Variants in MAG observed in about 807,000 individuals in gnomAD.
MAG encodes myelin-associated glycoprotein.
In MAG, 30 loss-of-function variants were observed where a neutral mutation model predicts 60.7. The ratio of observed to expected loss-of-function variants is 0.49; its 90% CI spans 0.37 to 0.67. The LOEUF (loss-of-function observed/expected upper bound fraction) is 0.67. Ranked by LOEUF, MAG falls within the 30% of genes least tolerant of loss-of-function variation. MAG has a pLI of 0.00. For synonymous variants in MAG, 384 were observed against 376.8 expected (o/e 1.02, Z -0.22); for missense variants, 795 against 851.7 (o/e 0.93, Z 0.83).
intron 7 of MAG, among the ~76,000 whole-genome samples, chr19:35,303,541 C>T (rs1460166035): frequency 6.6e-6 from 1 of 152,136 alleles, no homozygotes; most frequent in African/African-American, 2.4e-5. Flanking sequence ...TTCTTCCCTG[C>T]CCAAGGCTGA....
intron 5 of MAG, 85 bp from the exon 6 acceptor site, chr19:35,300,061 TG>T (rs1307041276): frequency 1.5e-6 from 2 of 1,345,318 alleles, no homozygotes; most frequent in African/African-American, 3.5e-5. Flanking sequence ...GGCCGGACAG[TG>T]TTGGGGGCGG....
rs561723665 is a variant in MAG at position 35,297,782 on chromosome 19, C to T, written c.416-1772C>T. 5.3e-4 allele frequency among the ~76,000 whole-genome samples: 77 copies of T among 144,794 alleles called. 1 individual carries two copies. Among genetic ancestry groups the T allele is most frequent in the South Asian group, 1.8e-3 (8 of 4,404 alleles). The allele number at this position is 144,794 out of a possible 152,430, so 95.0% of individuals were successfully genotyped here. On this transcript the variant is annotated intron_variant, in intron 4 of 10. Coordinates refer to ENST00000392213, the MANE Select transcript of MAG (RefSeq NM_002361.4). ...CCTATATACACTGTACACATACATG[C>T]GCCACCCCCACATCACAACACAAAC...
At position 35,309,875 on chromosome 19, in the gene MAG, C is replaced by T. The variant is rs777108840; in HGVS notation, c.1233C>T (p.Phe411=). The T allele has an allele frequency of 2.5e-6, 4 of 1,605,768 alleles. No individual in the cohort carries two copies. Among genetic ancestry groups the T allele is most frequent in the Non-Finnish European group, 3.4e-6 (4 of 1,176,350 alleles). Residue 411 remains phenylalanine (F), a splice_region_variant and synonymous_variant, in exon 8 of 11, where the codon TTC becomes TTT. Coordinates refer to ENST00000392213, the MANE Select transcript of MAG (RefSeq NM_002361.4). ...TCAGACCTGATTTTGCCCCTGCAGT[C>T]GCCCCTGTGCTCCTCCTGGAGTCCC... The part of the protein sequence containing the change: ...RATAFNLSVE[F]APVLLLESHC...
rs769703123 is a variant in MAG at position 35,295,985 on chromosome 19, A to C, written c.415+4A>C. ...CACAGCGTCCTGGATATCGTCAGTG[A>C]GTCCCCAGCGGTTGTGCAGGCACCG... On this transcript the variant is annotated splice_donor_region_variant and intron_variant, in intron 4 of 10. Coordinates refer to ENST00000392213, the MANE Select transcript of MAG (RefSeq NM_002361.4). The surrounding 1 kb of genome is among the most constrained non-coding windows in gnomAD (Gnocchi z 5.8). 39 of 1,562,390 alleles carry C rather than the reference A, an allele frequency of 2.5e-5. No homozygotes were observed. Among genetic ancestry groups the C allele is most frequent in the Non-Finnish European group, 3.4e-5 (39 of 1,152,330 alleles).
At chr19:35,310,507 C>T (rs2066518901) in intron 8 of MAG, 40 bp from the exon 9 acceptor site, 4 of 1,563,170 alleles carry the variant, frequency 2.6e-6, no homozygotes, top group Non-Finnish European at 2.6e-6. Context: ...GTCACCACCA[C>T]CCATAGCCCT....
chr19:35,301,952 C>T (rs961316793), intron 6 of MAG, among the ~76,000 whole-genome samples: 5 of 152,232 alleles, frequency 3.3e-5, no homozygotes, highest in African/African-American at 9.6e-5. Context: ...AAGCCTTCCC[C>T]CATCATCCTA....
Position 35,295,140 on chromosome 19 carries a change from C to T in MAG, c.-23-246C>T, listed in dbSNP as rs775078157. ...TAACTGGGTGTGGGGTGGCGCATAC[C>T]AGAAGCTGAGACAAGAGGATAACAC... On this transcript the variant is annotated intron_variant, in intron 2 of 10. Transcript: ENST00000392213. The surrounding 1 kb of genome is among the most constrained non-coding windows in gnomAD (Gnocchi z 5.8). 6.6e-6 allele frequency among the ~76,000 whole-genome samples: 1 copy of T among 152,032 alleles called. No homozygotes were observed. Among genetic ancestry groups the T allele is most frequent in the African/African-American group, 2.4e-5 (1 of 41,376 alleles).
chr19:35,300,718 A>C (rs370973111), intron 6 of MAG, among the ~76,000 whole-genome samples: 3 of 152,260 alleles, frequency 2.0e-5, no homozygotes, highest in African/African-American at 7.2e-5. Context: ...GGTCCCAGGA[A>C]TCTGCGTTTT....
chr19:35,299,398 G>A (rs1369810680), intron 4 of MAG, among the ~76,000 whole-genome samples, 156 bp from the exon 5 acceptor site: 2 of 149,106 alleles, frequency 1.3e-5, no homozygotes, highest in Admixed American at 6.6e-5. Context: ...GAAGGGTAAA[G>A]GGAATTCTGA....
Position 35,302,671 on chromosome 19 carries a change from T to C in MAG, c.1194T>C (p.Tyr398=). ...ACTGGTGTGTGGCTGAGAACCAGTA[T>C]GGCCAGAGGGCCACCGCCTTCAACC... ...GEYWCVAENQ[Y]GQRATAFNLS... Residue 398 remains tyrosine (Y), a synonymous_variant, in exon 7 of 11, where the codon TAT becomes TAC. Coordinates refer to ENST00000392213, the MANE Select transcript of MAG (RefSeq NM_002361.4). The C allele has an allele frequency of 1.7e-5, 28 of 1,614,090 alleles. No individual in the cohort carries two copies. Among genetic ancestry groups the C allele is most frequent in the Non-Finnish European group, 2.4e-5 (28 of 1,180,028 alleles).
intron 6 of MAG, among the ~76,000 whole-genome samples, chr19:35,300,829 A>C (rs2066443441): frequency 1.3e-5 from 2 of 152,212 alleles, no homozygotes; most frequent in African/African-American, 4.8e-5. Context: ...TCCTGGGCTC[A>C]AGCAAGCCTA....
In MAG at chr19:35,313,508, C is replaced by A. The variant is rs2066544843; in HGVS notation, c.*54C>A. ...CCCCCCTCAGGACCCTCGCTGGCCCCCACTGGCTGTGGGCTCCCTTCCTCC... is the reference window on the plus strand; with the variant it reads ...CCCCCCTCAGGACCCTCGCTGGCCCACACTGGCTGTGGGCTCCCTTCCTCC... On this transcript the variant is annotated 3_prime_UTR_variant, in exon 11 of 11. Transcript: ENST00000392213. The A allele has an allele frequency of 6.6e-7, 1 of 1,514,142 alleles. No homozygotes were observed. The highest frequency in any genetic ancestry group is 1.4e-5 in the African/African-American group (1 of 71,292). The allele number at this position is 1,514,142 out of a possible 1,614,324, so 93.8% of individuals were successfully genotyped here. A position where few individuals can be genotyped will look rare whatever the true frequency, so the allele number is the denominator to read the frequency against.
In MAG at chr19:35,293,190, C is replaced by T. The variant is rs139179271; in HGVS notation, c.-80+986C>T. 1.1e-3 allele frequency among the ~76,000 whole-genome samples: 164 copies of T among 152,106 alleles called. No individual in the cohort carries two copies. Among genetic ancestry groups the T allele is most frequent in the African/African-American group, 3.6e-3 (151 of 41,470 alleles). On this transcript the variant is annotated intron_variant, in intron 1 of 10. Transcript: ENST00000392213. This position sits in a 1 kb window ranked among gnomAD's most constrained non-coding sequence, Gnocchi z 4.0. ...AGCGTCGGCCAGGTGTCCATCGGCG[C>T]GTGTCTGAGTGGACGCGTCTATAGC...
rs867384233 is a variant in MAG at position 35,304,788 on chromosome 19, C to T, written c.1231+2080C>T. On this transcript the variant is annotated intron_variant, in intron 7 of 10. Coordinates refer to ENST00000392213, the MANE Select transcript of MAG (RefSeq NM_002361.4). ...CTCCTAGTCTCAAGTGATCCACCCG[C>T]CTCGGCCTCCCAAAGTGCTGGGATT... 4.6e-5 allele frequency among the ~76,000 whole-genome samples: 7 copies of T among 152,292 alleles called. No homozygotes were observed. The South Asian group carries it at 1.5e-3, about 32-fold the overall frequency.
chr19:35,297,515 C>T (rs1025772985), intron 4 of MAG, among the ~76,000 whole-genome samples: 3 of 150,654 alleles, frequency 2.0e-5, no homozygotes, highest in African/African-American at 7.3e-5. Flanking sequence ...ACACACCACA[C>T]ACACCACACA....
At chr19:35,302,786 A>C in intron 7 of MAG, 78 bp downstream of exon 7, 3 of 1,551,894 alleles carry the variant, frequency 1.9e-6, no homozygotes, top group Non-Finnish European at 2.6e-6. Context: ...GTGCCCACGC[A>C]TCCCAATCAG....
At chr19:35,311,865 TG>T (rs2145627371) in intron 9 of MAG, 52 bp from the exon 10 acceptor site, 1 of 1,284,222 alleles carries the variant, frequency 7.8e-7, no homozygotes, top group Non-Finnish European at 1.1e-6. Flanking sequence ...CTAAAACACG[TG>T]GGGGTGCAGA....
At chr19:35,297,321 C>T (rs1423536801) in intron 4 of MAG, among the ~76,000 whole-genome samples, 1 of 148,298 alleles carries the variant, frequency 6.7e-6, no homozygotes, top group Non-Finnish European at 1.5e-5. Flanking sequence ...ACACCAAACA[C>T]ACACACCACA....
Position 35,295,543 on chromosome 19 carries a change from G to A in MAG, c.47-70G>A. On this transcript the variant is annotated intron_variant, in intron 3 of 10. Transcript: ENST00000392213. This position sits in a 1 kb window ranked among gnomAD's most constrained non-coding sequence, Gnocchi z 5.8. The stretch of plus-strand genomic sequence containing the variant: ...CCCGCAGCCCCCCGGCATGTGGTTG[G>A]GGATGGGAGCCGGAGGGGGTGATCG... 6.2e-7 allele frequency: 1 copy of A among 1,603,628 alleles called. No homozygotes were observed. The highest frequency in any genetic ancestry group is 8.5e-7 in the Non-Finnish European group (1 of 1,174,846).
Sources: gnomAD v4.1 joint callset for allele counts (sites outside exome capture counted in the v4.1 genomes callset) on GRCh38, gnomAD v4.1.1 for gene constraint, Gnocchi (gnomAD v3.1) non-coding constraint, MANE v1.5 for transcripts, NCBI Gene and HGNC (gene_info 2026-07-23, HGNC 2026-07-21) for gene names.